The following ADAM23 variants were observed in gnomAD, a reference collection of about 807,000 sequenced individuals.
The protein encoded by ADAM23 is ADAM metallopeptidase domain 23, also known as disintegrin and metalloproteinase domain-containing protein 23.
ADAM23 carries 33 observed loss-of-function variants against 120.1 expected under a neutral mutation model. The ratio of observed to expected loss-of-function variants is 0.27; its 90% confidence interval spans 0.21 to 0.37. The LOEUF (loss-of-function observed/expected upper bound fraction) is 0.37, where lower values mean the gene tolerates loss of function less well. ADAM23 is among the 10% of genes least tolerant of loss of function. ADAM23 has a pLI of 1.00. For synonymous variants in ADAM23, 367 were observed against 375.2 expected (o/e 0.98, Z 0.25); for missense variants, 862 against 1,058.2 (o/e 0.81, Z 2.57).
chr2:206,606,181 G>A (rs1306442116), intron 24 of ADAM23, among the ~76,000 whole-genome samples: 1 of 152,176 alleles, frequency 6.6e-6, no homozygotes, highest in African/African-American at 2.4e-5. Flanking sequence ...TTAAAATACA[G>A]ACTTTTTTTT....
chr2:206,555,179 G>T (rs1697618575), intron 9 of ADAM23, among the ~76,000 whole-genome samples: 1 of 152,082 alleles, frequency 6.6e-6, no homozygotes, highest in Non-Finnish European at 1.5e-5. Flanking sequence ...ATACAGAACT[G>T]CCTATTTGAT....
intron 18 of ADAM23, among the ~76,000 whole-genome samples, chr2:206,577,010 G>A (rs913201149): frequency 1.3e-5 from 2 of 152,116 alleles, no homozygotes; most frequent in Non-Finnish European, 2.9e-5. Context: ...ATAGCATAAT[G>A]TACAAGGAAG....
At chr2:206,594,992 C>T in intron 23 of ADAM23, 87 bp downstream of exon 23, 1 of 1,522,936 alleles carries the variant, frequency 6.6e-7, no homozygotes, top group Non-Finnish European at 8.9e-7. Context: ...ATTCTCCTAG[C>T]CAACATGGTG....
At position 206,571,789 on chromosome 2, in the gene ADAM23, G is replaced by A; in HGVS notation, c.1629G>A (p.Gly543=). 1.2e-6 allele frequency: 2 copies of A among 1,614,054 alleles called. No homozygotes were observed. The highest frequency in any genetic ancestry group is 1.7e-6 in the Non-Finnish European group (2 of 1,179,952). The change falls in exon 17 of 26, where the codon GGG becomes GGA. Residue 543 remains glycine (G), a synonymous_variant. Coordinates refer to ENST00000264377, the MANE Select transcript of ADAM23 (RefSeq NM_003812.4). ...CCAACGGGGCTCACTGCAGCGACGG[G>A]CCCTGCTGTAACAATACCTCATGTC... ...SLSNGAHCSD[G]PCCNNTSCLF...
chr2:206,588,735 C>A (rs1574551979), intron 20 of ADAM23, among the ~76,000 whole-genome samples: 1 of 152,080 alleles, frequency 6.6e-6, no homozygotes, highest in South Asian at 2.1e-4. Flanking sequence ...GAGGGCCAGA[C>A]GGGGGGAAGA....
chr2:206,465,666 C>T (rs925070511), intron 2 of ADAM23, among the ~76,000 whole-genome samples: 2 of 151,910 alleles, frequency 1.3e-5, no homozygotes, highest in African/African-American at 2.4e-5. Context: ...CTGAAATAAC[C>T]GTAATTGAAA....
chr2:206,526,165 CACACACACACACACAG>C (rs1025365481), intron 3 of ADAM23, among the ~76,000 whole-genome samples: 5 of 151,378 alleles, frequency 3.3e-5, no homozygotes, highest in Admixed American at 6.6e-5. Flanking sequence ...CACACACACA[CACACACACACACACAG>C]ACACACACAG....
At chr2:206,492,936 C>T (rs1696163185) in intron 3 of ADAM23, among the ~76,000 whole-genome samples, 1 of 152,174 alleles carries the variant, frequency 6.6e-6, no homozygotes, top group South Asian at 2.1e-4. Flanking sequence ...AACTTTATAT[C>T]ATTTGTGTCT....
intron 2 of ADAM23, among the ~76,000 whole-genome samples, chr2:206,454,656 T>A (rs983738343): frequency 2.0e-5 from 3 of 152,218 alleles, no homozygotes; most frequent in African/African-American, 7.2e-5. Flanking sequence ...AACAAGTTAG[T>A]TACTTCCAAG....
In ADAM23 at chr2:206,620,255, A is replaced by ATAT. The variant is rs1421422905; in HGVS notation, c.*2629_*2630insATT. 6.6e-6 allele frequency: 1 copy of ATAT among 152,170 alleles called. No individual in the cohort carries two copies. Among genetic ancestry groups the ATAT allele is most frequent in the Non-Finnish European group, 1.5e-5 (1 of 68,038 alleles). The allele number at this position is 152,170 out of a possible 1,614,324, so 9.4% of individuals were successfully genotyped here. A position where few individuals can be genotyped will look rare whatever the true frequency, so the allele number is the denominator to read the frequency against. On this transcript the variant is annotated 3_prime_UTR_variant, in exon 26 of 26. Transcript: ENST00000264377. ...AATCAGACCACAGTGGTCCCCAAAT[A>ATAT]TTATGTACATATGGCAAATGTCAGT...
At chr2:206,538,756 TTATTAC>T (rs1458772636) in intron 4 of ADAM23, among the ~76,000 whole-genome samples, 1 of 152,172 alleles carries the variant, frequency 6.6e-6, no homozygotes, top group Non-Finnish European at 1.5e-5. Flanking sequence ...GTTCCTGTTG[TTATTAC>T]TATTATTATT....
Position 206,588,077 on chromosome 2 carries a change from G to A in ADAM23, c.1789-14G>A, listed in dbSNP as rs1277197108. 6.2e-7 allele frequency: 1 copy of A among 1,614,030 alleles called. No individual in the cohort carries two copies. Among genetic ancestry groups the A allele is most frequent in the Non-Finnish European group, 8.5e-7 (1 of 1,179,908 alleles). On this transcript the variant is annotated splice_polypyrimidine_tract_variant and intron_variant, in intron 19 of 25. Transcript: ENST00000264377. ...CTGACTCTGTGTGCCTCACATGTGT[G>A]CTCCTGTCCCCAGGGCCGCTGCTAC... is the stretch of plus-strand genomic sequence containing the variant.
At chr2:206,543,446 A>T (rs1278832021) in intron 6 of ADAM23, 130 bp downstream of exon 6, 7 of 722,984 alleles carry the variant, frequency 9.7e-6, no homozygotes, top group Non-Finnish European at 1.4e-5. Context: ...AACTTAGAGT[A>T]GTACCCTGAG....
At chr2:206,523,502 C>G (rs1288196610) in intron 3 of ADAM23, among the ~76,000 whole-genome samples, 1 of 152,172 alleles carries the variant, frequency 6.6e-6, no homozygotes, top group Non-Finnish European at 1.5e-5. Context: ...AAATCCCAGC[C>G]TCTCCATGTC....
intron 4 of ADAM23, among the ~76,000 whole-genome samples, chr2:206,540,583 G>A (rs1173338546): frequency 1.3e-5 from 2 of 152,160 alleles, no homozygotes; most frequent in South Asian, 4.1e-4. Context: ...CAGGTGAGAT[G>A]TAGCCATAAA....
At chr2:206,451,002 A>G (rs1473810003) in intron 2 of ADAM23, among the ~76,000 whole-genome samples, 3 of 152,200 alleles carry the variant, frequency 2.0e-5, no homozygotes, top group Non-Finnish European at 2.9e-5. Context: ...AGTGGAAGGA[A>G]CAGAAGGCTG....
rs138267000 is a variant in ADAM23 at position 206,563,890 on chromosome 2, C to T, written c.1346-1130C>T. ...GACTACAGGTGCCCACCACCACACC[C>T]GGCTAATTTTTTTGTATTTTTAGTA... is the stretch of plus-strand genomic sequence containing the variant. On this transcript the variant is annotated intron_variant, in intron 13 of 25. Coordinates refer to ENST00000264377, the MANE Select transcript of ADAM23 (RefSeq NM_003812.4). Among the ~76,000 whole-genome samples, 314 of 152,000 alleles carry T rather than the reference C, an allele frequency of 2.1e-3. 2 individuals are homozygous for T. Among genetic ancestry groups the T allele is most frequent in the African/African-American group, 7.0e-3 (289 of 41,438 alleles).
In ADAM23 at chr2:206,559,990, G is replaced by T; in HGVS notation, c.1041G>T (p.Leu347=). The T allele has an allele frequency of 6.2e-7, 1 of 1,613,990 alleles. No individual in the cohort carries two copies. The highest frequency in any genetic ancestry group is 8.5e-7 in the Non-Finnish European group (1 of 1,179,952). ...YKEQLNTRVV[L]VAVETWTEKD... Reference sequence around the variant, plus strand: ...AGCAGCTCAACACCAGGGTTGTCCTGGTGGCTGTAGAGACCTGGACTGAGA... The same window carrying T: ...AGCAGCTCAACACCAGGGTTGTCCTTGTGGCTGTAGAGACCTGGACTGAGA... The change falls in exon 11 of 26, where the codon CTG becomes CTT. Residue 347 remains leucine, a synonymous_variant. Coordinates refer to ENST00000264377, the MANE Select transcript of ADAM23 (RefSeq NM_003812.4).
intron 3 of ADAM23, among the ~76,000 whole-genome samples, chr2:206,481,686 G>T (rs563876049): frequency 3.3e-5 from 5 of 152,206 alleles, no homozygotes; most frequent in Non-Finnish European, 7.4e-5. Flanking sequence ...AATGCAATTC[G>T]CATGACTTCT....
Sources: gnomAD v4.1 joint callset for allele counts (sites outside exome capture counted in the v4.1 genomes callset) on GRCh38, gnomAD v4.1.1 for gene constraint, MANE v1.5 for transcripts, NCBI Gene and HGNC (gene_info 2026-07-23, HGNC 2026-07-21) for gene names.